Variants in SOS1 observed in about 807,000 individuals in gnomAD.
SOS1 encodes SOS Ras/Rac guanine nucleotide exchange factor 1, also known as son of sevenless homolog 1.
Under a neutral mutation model 157.6 loss-of-function variants are expected in SOS1, and 25 were observed. The observed-to-expected ratio is 0.16, with a 90% CI of 0.12 to 0.22. The LOEUF (loss-of-function observed/expected upper bound fraction) is 0.22. Ranked by LOEUF, SOS1 falls within the 10% of genes least tolerant of loss-of-function variation. The probability of loss-of-function intolerance (pLI) is 1.00; values close to 1 mark genes in which losing one functional copy is unlikely to be tolerated. For synonymous variants in SOS1, 528 were observed against 534.0 expected, an observed-to-expected ratio of 0.99 and a Z score of 0.16; for missense variants, 1,237 against 1,599.1, an observed-to-expected ratio of 0.77 and a Z score of 3.86.
At chr2:39,031,358 T>TA (rs1670154251) in intron 8 of SOS1, among the ~76,000 whole-genome samples, 1 of 152,160 alleles carries the variant, frequency 6.6e-6, no homozygotes, top group Admixed American at 6.5e-5. Context: ...GAGAGGGAGA[T>TA]AAAATCCCAT....
In SOS1 at chr2:39,120,331, C is replaced by A; in HGVS notation, c.87+5G>T. 1 of 1,581,446 alleles carries A rather than the reference C, an allele frequency of 6.3e-7. No individual in the cohort carries two copies. Among genetic ancestry groups the A allele is most frequent in the South Asian group, 1.1e-5 (1 of 88,436 alleles). On this transcript the variant is annotated splice_donor_5th_base_variant and intron_variant, in intron 1 of 22. Coordinates refer to ENST00000402219, the MANE Select transcript of SOS1 (RefSeq NM_005633.4). ...CCGGGAAGCGGGGTCCCGCGTGCTC[C>A]TCACCTTTTTCAGCGCAGGCACCAG...
At chr2:39,028,277 C>T (rs1670035459) in intron 8 of SOS1, among the ~76,000 whole-genome samples, 1 of 151,746 alleles carries the variant, frequency 6.6e-6, no homozygotes, top group African/African-American at 2.4e-5. Context: ...CAAAGGAAAC[C>T]CTGGGAGATA....
Position 39,022,921 on chromosome 2 carries a change from CATT to C in SOS1, c.1504_1506del (p.Asn502del). Reference sequence around the variant, plus strand: ...TTGTATTCATTGGTGTCATCTTTATCATTAATTTGTACCTTTCGCATAAAAAAC... The same window carrying C: ...TTGTATTCATTGGTGTCATCTTTATCAATTTGTACCTTTCGCATAAAAAAC... On this transcript the variant is annotated inframe_deletion, in exon 10 of 23. Transcript: ENST00000402219. 2 of 1,612,648 alleles carry C rather than the reference CATT, an allele frequency of 1.2e-6. No individual in the cohort carries two copies. The highest frequency in any genetic ancestry group is 1.7e-6 in the Non-Finnish European group (2 of 1,178,924).
chr2:39,014,318 C>T (rs1469555612), intron 11 of SOS1, among the ~76,000 whole-genome samples: 1 of 152,040 alleles, frequency 6.6e-6, no homozygotes, highest in East Asian at 1.9e-4. Context: ...TACTCTAAAT[C>T]AGGTGACATA....
chr2:39,092,357 A>G (rs1334318775), intron 1 of SOS1, among the ~76,000 whole-genome samples: 1 of 152,072 alleles, frequency 6.6e-6, no homozygotes, highest in Non-Finnish European at 1.5e-5. Flanking sequence ...ACCCTCTTCT[A>G]GGGTGCTCCT....
chr2:39,013,595 G>A, intron 12 of SOS1, 32 bp from the exon 13 acceptor site: 1 of 1,322,198 alleles, frequency 7.6e-7, no homozygotes, highest in Non-Finnish European at 1.1e-6. Flanking sequence ...GAATTACATG[G>A]GAATCAAACA....
intron 1 of SOS1, among the ~76,000 whole-genome samples, chr2:39,116,842 A>AAAAC (rs910563554): frequency 6.6e-6 from 1 of 152,054 alleles, no homozygotes; most frequent in Non-Finnish European, 1.5e-5. Context: ...ACTCTGTCTC[A>AAAAC]AAACAAACAA....
chr2:39,023,578 G>A (rs1300904059), intron 9 of SOS1, among the ~76,000 whole-genome samples: 1 of 152,004 alleles, frequency 6.6e-6, no homozygotes, highest in Non-Finnish European at 1.5e-5. Context: ...TTATTTAGAA[G>A]AGTTTAAATG....
intron 4 of SOS1, among the ~76,000 whole-genome samples, chr2:39,056,320 G>C (rs1262225990): frequency 6.6e-6 from 1 of 152,106 alleles, no homozygotes; most frequent in African/African-American, 2.4e-5. Context: ...AGGAGGCTGA[G>C]GCAGGACAAT....
chr2:39,078,425 C>T (rs1672088460), intron 1 of SOS1, among the ~76,000 whole-genome samples: 1 of 152,134 alleles, frequency 6.6e-6, no homozygotes, highest in Admixed American at 6.5e-5. Context: ...ACATTATGAT[C>T]CAGCAATTCT....
chr2:39,073,110 AAATG>A (rs1320149652), intron 1 of SOS1, among the ~76,000 whole-genome samples: 4 of 152,246 alleles, frequency 2.6e-5, no homozygotes, highest in Non-Finnish European at 5.9e-5. Context: ...ATTCCATCAT[AAATG>A]GTACTCAGAG....
chr2:39,034,192 A>T (rs1372485931), intron 8 of SOS1, among the ~76,000 whole-genome samples: 1 of 152,202 alleles, frequency 6.6e-6, no homozygotes, highest in Non-Finnish European at 1.5e-5. Context: ...TCCTTTCTCA[A>T]TGTAAACATT....
chr2:39,095,312 C>A lies in SOS1; in HGVS notation c.87+25024G>T, dbSNP rs557893971. Among the ~76,000 whole-genome samples the A allele has an allele frequency of 7.8e-4, 119 of 152,282 alleles. 2 individuals are homozygous for A. The highest frequency in any genetic ancestry group is 1.3e-4 in the Admixed American group (2 of 15,296). On this transcript the variant is annotated intron_variant, in intron 1 of 22. Coordinates refer to ENST00000402219, the MANE Select transcript of SOS1 (RefSeq NM_005633.4). ...AGACTCCTGAGAATATCTAGAGACTCCAGTTTGAGAAACTACTTGAGGACT... is the reference window on the plus strand; with the variant it reads ...AGACTCCTGAGAATATCTAGAGACTACAGTTTGAGAAACTACTTGAGGACT...
At chr2:39,092,001 G>A (rs746468145) in intron 1 of SOS1, among the ~76,000 whole-genome samples, 2 of 151,898 alleles carry the variant, frequency 1.3e-5, no homozygotes, top group Non-Finnish European at 2.9e-5. Context: ...TCATTATTAC[G>A]CCCACAAAAG....
intron 10 of SOS1, among the ~76,000 whole-genome samples, chr2:39,016,706 C>T (rs1248950301): frequency 6.6e-6 from 1 of 151,958 alleles, no homozygotes; most frequent in Non-Finnish European, 1.5e-5. Flanking sequence ...TTTAGGGTGC[C>T]CTCTCCCTTT....
intron 1 of SOS1, among the ~76,000 whole-genome samples, chr2:39,097,618 C>A (rs1331017622): frequency 6.6e-6 from 1 of 151,710 alleles, no homozygotes; most frequent in African/African-American, 2.4e-5. Context: ...AGTACAGCAG[C>A]GCCATCTCAG....
chr2:39,061,655 T>G (rs529944161), intron 2 of SOS1, among the ~76,000 whole-genome samples: 3 of 152,322 alleles, frequency 2.0e-5, no homozygotes, highest in East Asian at 3.9e-4. Flanking sequence ...CCCAAAGTGC[T>G]GGGATTACAC....
chr2:39,102,180 G>A (rs1037998412), intron 1 of SOS1, among the ~76,000 whole-genome samples: 12 of 119,822 alleles, frequency 1.0e-4, no homozygotes, highest in Admixed American at 2.3e-4. Flanking sequence ...ATTCCAGCCC[G>A]GGTGACAGTG....
At position 39,071,058 on chromosome 2, in the gene SOS1, G is replaced by A. The variant is rs754018824; in HGVS notation, c.88-3305C>T. Among the ~76,000 whole-genome samples, 4 of 152,106 alleles carry A rather than the reference G, an allele frequency of 2.6e-5. No homozygotes were observed. The East Asian group carries it at 5.8e-4, about 22-fold the overall frequency. On this transcript the variant is annotated intron_variant, in intron 1 of 22. Coordinates refer to ENST00000402219, the MANE Select transcript of SOS1 (RefSeq NM_005633.4). ...TTTTTTAGTATTTTTAGTAGAGACCGGGTTTTACCATGTTGGCCAGGTTGG... is the reference window on the plus strand; with the variant it reads ...TTTTTTAGTATTTTTAGTAGAGACCAGGTTTTACCATGTTGGCCAGGTTGG...
Sources: allele counts gnomAD v4.1 joint callset (sites outside exome capture counted in the v4.1 genomes callset), GRCh38; gene constraint gnomAD v4.1.1; transcripts MANE v1.5; gene names NCBI Gene and HGNC (gene_info 2026-07-23, HGNC 2026-07-21).